HEPH: variants seen among roughly 807,000 people sequenced by gnomAD.
The protein encoded by HEPH is hephaestin.
In HEPH, 69 loss-of-function variants were observed where a neutral mutation model predicts 80.8. The ratio of observed to expected loss-of-function variants is 0.85; its 90% confidence interval spans 0.70 to 1.04. HEPH has a LOEUF of 1.04. Among genes scored for constraint, HEPH ranks in the 50% least tolerant of loss-of-function variants. The pLI, the probability that HEPH is intolerant of heterozygous loss-of-function variation, is 0.00. For synonymous variants in HEPH, 431 were observed against 322.8 expected (o/e 1.34, Z -3.60); for missense variants, 1,115 against 891.3 (o/e 1.25, Z -3.20).
intron 4 of HEPH, among the ~76,000 whole-genome samples, chrX:66,175,261 T>A (rs1289345862): frequency 2.7e-5 from 3 of 111,839 alleles, no homozygotes; most frequent in African/African-American, 3.2e-5. Flanking sequence ...TTGTCGAAAA[T>A]GGTGTCCTTT....
intron 2 of HEPH, among the ~76,000 whole-genome samples, chrX:66,170,951 T>A (rs1223590979): frequency 2.7e-5 from 3 of 111,084 alleles, no homozygotes; most frequent in Non-Finnish European, 5.7e-5. Context: ...ATTTTTAGAG[T>A]CCTAAAGAGA....
chrX:66,228,910 C>A (rs769312284), intron 15 of HEPH, among the ~76,000 whole-genome samples: 1 of 112,029 alleles, frequency 8.9e-6, no homozygotes, highest in African/African-American at 3.2e-5. Flanking sequence ...GTGAAAAGGG[C>A]ACACTTTTAA....
At chrX:66,252,445 T>G (rs2091036206) in intron 15 of HEPH, among the ~76,000 whole-genome samples, 1 of 111,155 alleles carries the variant, frequency 9.0e-6, no homozygotes, top group Non-Finnish European at 1.9e-5. Context: ...GTAGTTAGGT[T>G]CGACCAGTAT....
At position 66,239,899 on chromosome X, in the gene HEPH, G is replaced by A. The variant is rs764317380; in HGVS notation, c.2564-15136G>A. ...GTTGTCAAGCCCTTCTCCCACCTTC[G>A]TCACCCTTGGTAAACACTGCCACTA... On this transcript the variant is annotated intron_variant, in intron 15 of 20. Transcript: ENST00000343002. 6.3e-5 allele frequency among the ~76,000 whole-genome samples: 7 copies of A among 111,056 alleles called. No individual in the cohort carries two copies. In the East Asian group the frequency reaches 8.5e-4, roughly 13 times the overall value.
chrX:66,258,758 G>A, intron 17 of HEPH, 82 bp from the exon 18 acceptor site: 1 of 821,200 alleles, frequency 1.2e-6, no homozygotes, highest in Non-Finnish European at 1.7e-6. Context: ...ATTAGGCCTA[G>A]GATAGTGGAA....
intron 15 of HEPH, among the ~76,000 whole-genome samples, chrX:66,219,060 C>T (rs753659695): frequency 1.6e-4 from 18 of 112,155 alleles, no homozygotes; most frequent in Admixed American, 2.8e-4. Context: ...TTCTCACTTT[C>T]ATTCTCACTA....
intron 19 of HEPH, 91 bp downstream of exon 19, chrX:66,260,353 C>G: frequency 1.4e-6 from 1 of 701,040 alleles, no homozygotes; most frequent in South Asian, 2.7e-5. Flanking sequence ...TTGATTGTCT[C>G]CTTCTGATCC....
At position 66,200,632 on chromosome X, in the gene HEPH, A is replaced by G. The variant is rs757456545; in HGVS notation, c.1957A>G (p.Thr653Ala). 7.4e-6 allele frequency: 9 copies of G among 1,209,809 alleles called. No homozygotes were observed. The Admixed American group carries it at 2.0e-4, about 26-fold the overall frequency. Reference protein sequence around the residue: ...AWHLLGLGTETDVHGVMFQGN... With the variant: ...AWHLLGLGTEADVHGVMFQGN... ...GCACCTGCTCGGCCTGGGCACAGAGACTGATGTGCATGGAGTCATGTTCCA... is the reference window on the plus strand; with the variant it reads ...GCACCTGCTCGGCCTGGGCACAGAGGCTGATGTGCATGGAGTCATGTTCCA... Residue 653 changes from threonine to alanine, a missense_variant, in exon 12 of 21, where the codon ACT (threonine) becomes GCT (alanine). Thr to Ala is a moderately conservative substitution (Grantham distance 58, BLOSUM62 0). Coordinates refer to ENST00000343002, the MANE Select transcript of HEPH (RefSeq NM_001367233.3).
chrX:66,186,949 G>C (rs2087487536), intron 4 of HEPH, among the ~76,000 whole-genome samples: 2 of 110,713 alleles, frequency 1.8e-5, no homozygotes, highest in South Asian at 7.7e-4. Flanking sequence ...TGTCTTTGTT[G>C]GATTGGGTTA....
chrX:66,209,424 T>C (rs1186856308), intron 15 of HEPH, among the ~76,000 whole-genome samples: 1 of 111,713 alleles, frequency 9.0e-6, no homozygotes, highest in Non-Finnish European at 1.9e-5. Context: ...CTCATTCAAA[T>C]AAGTTCTCAT....
intron 15 of HEPH, among the ~76,000 whole-genome samples, chrX:66,248,534 G>A (rs959588056): frequency 2.7e-5 from 3 of 112,127 alleles, no homozygotes; most frequent in African/African-American, 6.5e-5. Flanking sequence ...AAGAGAAGCC[G>A]TAAAGTGCTT....
chrX:66,222,388 G>A (rs1346517197), intron 15 of HEPH, among the ~76,000 whole-genome samples: 1 of 112,465 alleles, frequency 8.9e-6, no homozygotes, highest in Non-Finnish European at 1.9e-5. Context: ...GACAATCTGG[G>A]CCTCTGGCTT....
In HEPH at chrX:66,233,534, G is replaced by A. The variant is rs748919306; in HGVS notation, c.2564-21501G>A. On this transcript the variant is annotated intron_variant, in intron 15 of 20. Transcript: ENST00000343002. Reference sequence around the variant, plus strand: ...CTGGGCTTACTGAGCAGTTTGTTTGGACAGAACATTTTCTTTTGCCCAATG... The same window carrying A: ...CTGGGCTTACTGAGCAGTTTGTTTGAACAGAACATTTTCTTTTGCCCAATG... Among the ~76,000 whole-genome samples, 5 of 111,160 alleles carry A rather than the reference G, an allele frequency of 4.5e-5. No individual in the cohort carries two copies. In the East Asian group the frequency reaches 8.5e-4, roughly 19 times the overall value.
chrX:66,201,493 T>G, intron 12 of HEPH, among the ~76,000 whole-genome samples: 1 of 111,792 alleles, frequency 8.9e-6, no homozygotes, highest in Non-Finnish European at 1.9e-5. Flanking sequence ...ATAATGTTTC[T>G]TCAGATTCTA....
chrX:66,253,219 G>A (rs757810667), intron 15 of HEPH, among the ~76,000 whole-genome samples: 2 of 111,940 alleles, frequency 1.8e-5, no homozygotes, highest in Non-Finnish European at 3.8e-5. Flanking sequence ...GAATCCATAA[G>A]GAACTATTGC....
chrX:66,221,811 A>G (rs1397998604), intron 15 of HEPH, among the ~76,000 whole-genome samples: 1 of 112,809 alleles, frequency 8.9e-6, no homozygotes, highest in Non-Finnish European at 1.9e-5. Flanking sequence ...TCACCTACCA[A>G]AATATTGACT....
At chrX:66,188,321 A>G (rs368656331) in intron 4 of HEPH, 38 bp from the exon 5 acceptor site, 13 of 1,078,113 alleles carry the variant, frequency 1.2e-5, no homozygotes, top group African/African-American at 1.9e-5. Context: ...TTGCTAAGGA[A>G]AGGATCTTCT....
At chrX:66,218,706 G>A (rs2089503440) in intron 15 of HEPH, among the ~76,000 whole-genome samples, 1 of 110,980 alleles carries the variant, frequency 9.0e-6, no homozygotes, top group Admixed American at 9.6e-5. Context: ...CAACTTTAAG[G>A]GGGTCCACAT....
Position 66,207,311 on chromosome X carries a change from C to T in HEPH, c.2408C>T (p.Pro803Leu), listed in dbSNP as rs746936776. 8.4e-7 allele frequency: 1 copy of T among 1,186,903 alleles called. No individual in the cohort carries two copies. Among genetic ancestry groups the T allele is most frequent in the African/African-American group, 1.8e-5 (1 of 56,174 alleles). The change falls in exon 14 of 21, where the codon CCA becomes CTA. Residue 803 changes from proline (P) to leucine (L), a missense_variant. This residue lies in a region of HEPH where 716 missense variants were observed against 523.5 expected (regional missense o/e 1.37). Transcript: ENST00000343002. ...TFRIPRPRTG[P>L]EEHLGILGPL... ...AGGATCCCTCGGCCAAGGACTGGAC[C>T]AGAAGAACACTTGGGAATCTTGGGT...
Sources: allele counts gnomAD v4.1 joint callset (sites outside exome capture counted in the v4.1 genomes callset), GRCh38; gene constraint gnomAD v4.1.1; regional missense constraint gnomAD v4.1.1; transcripts MANE v1.5; gene names NCBI Gene and HGNC (gene_info 2026-07-23, HGNC 2026-07-21).